ATP9B: variants seen among roughly 807,000 people sequenced by gnomAD.
ATP9B encodes the protein probable phospholipid-transporting ATPase IIB.
Under a neutral mutation model 146.1 loss-of-function variants are expected in ATP9B, and 110 were observed. The observed-to-expected ratio is 0.75, with a 90% CI of 0.65 to 0.88. The LOEUF is 0.88. Among genes scored for constraint, ATP9B ranks in the 40% least tolerant of loss-of-function variants. The probability of loss-of-function intolerance (pLI) is 0.00; values close to 1 mark genes in which losing one functional copy is unlikely to be tolerated. For missense variants in ATP9B, 1,499 were observed against 1,496.4 expected (o/e 1.00, Z -0.03); for synonymous variants, 604 against 569.7 (o/e 1.06, Z -0.86).
chr18:79,236,212 T>C (rs1454456220), intron 11 of ATP9B, among the ~76,000 whole-genome samples: 1 of 152,204 alleles, frequency 6.6e-6, no homozygotes, highest in East Asian at 1.9e-4. Context: ...GATATCTCAT[T>C]GGGTTTTTAG....
intron 7 of ATP9B, among the ~76,000 whole-genome samples, chr18:79,161,723 A>G (rs901338539): frequency 2.6e-5 from 4 of 152,104 alleles, no homozygotes; most frequent in Admixed American, 2.0e-4. Flanking sequence ...GCGGGCGCCT[A>G]TAGTCCCAGG....
intron 11 of ATP9B, among the ~76,000 whole-genome samples, chr18:79,235,339 A>G (rs2095831352): frequency 6.6e-6 from 1 of 152,230 alleles, no homozygotes; most frequent in Non-Finnish European, 1.5e-5. Context: ...ATCGTAAGCC[A>G]TAGAGCAATA....
rs1346518920 is a variant in ATP9B, at chr18:79,110,416, T to TGGG, written c.357_358insGGG (p.Trp119_Leu120insGly). The TGGG allele has an allele frequency of 6.2e-7, 1 of 1,612,204 alleles. No individual in the cohort carries two copies. The highest frequency in any genetic ancestry group is 1.7e-5 in the Admixed American group (1 of 59,826). ...GAAAGAGCTGAAAGCTCGCACAGTA[T>TGGG]GGCTTGGATGTCCTGAAAAGTGTGA... is the stretch of plus-strand genomic sequence containing the variant. On this transcript the variant is annotated inframe_insertion, in exon 3 of 30. Transcript: ENST00000426216.
Position 79,165,236 on chromosome 18 carries a change from C to T in ATP9B, c.778+10681C>T, listed in dbSNP as rs780846524. Among the ~76,000 whole-genome samples, 18 of 152,322 alleles carry T rather than the reference C, an allele frequency of 1.2e-4. No individual in the cohort carries two copies. The South Asian group carries it at 2.1e-3, about 18-fold the overall frequency. On this transcript the variant is annotated intron_variant, in intron 7 of 29. Transcript: ENST00000426216. ...CAGTTACAGGGCTGGTGTTCAGCTT[C>T]TGACTGTCTGGCTCTGCCTACTCTG...
At chr18:79,305,593 G>C (rs905329973) in intron 14 of ATP9B, among the ~76,000 whole-genome samples, 1 of 151,496 alleles carries the variant, frequency 6.6e-6, no homozygotes. Context: ...GATGAGCTCT[G>C]CTTTTTAAAA....
chr18:79,227,999 T>C (rs1244691853), intron 11 of ATP9B, among the ~76,000 whole-genome samples: 2 of 152,148 alleles, frequency 1.3e-5, no homozygotes, highest in African/African-American at 4.8e-5. Context: ...CCAAAGCTCA[T>C]AGTGTGATAA....
Position 79,256,286 on chromosome 18 carries a change from T to TATATAC in ATP9B, c.1268+2746_1268+2747insTATACA, listed in dbSNP as rs398033647. On this transcript the variant is annotated intron_variant, in intron 12 of 29. Coordinates refer to ENST00000426216, the MANE Select transcript of ATP9B (RefSeq NM_198531.5). ...ATATATATATATATATATATATATA[T>TATATAC]ACATACATAGTGAGGCTATGTTATT... Among the ~76,000 whole-genome samples the TATATAC allele has an allele frequency of 7.0e-4, 86 of 123,016 alleles. 1 individual carries two copies. Among genetic ancestry groups the TATATAC allele is most frequent in the African/African-American group, 1.6e-3 (49 of 30,752 alleles). 80.7% of individuals were successfully genotyped at this position (123,016 alleles called of 152,430 possible).
intron 8 of ATP9B, among the ~76,000 whole-genome samples, chr18:79,186,926 A>AG (rs1438873681): frequency 1.3e-5 from 2 of 152,092 alleles, no homozygotes; most frequent in Admixed American, 1.3e-4. Flanking sequence ...AGTGAGGAGG[A>AG]GGTATCTTTT....
At chr18:79,221,812 CT>C (rs11296943) in intron 11 of ATP9B, among the ~76,000 whole-genome samples, 48,562 of 135,056 alleles carry the variant, frequency 0.36, 8,695 homozygotes, top group African/African-American at 0.46. Context: ...ATTATAAAGG[CT>C]TTTTTTTTTT....
At chr18:79,298,063 G>A (rs1463514489) in intron 13 of ATP9B, among the ~76,000 whole-genome samples, 2 of 147,118 alleles carry the variant, frequency 1.4e-5, no homozygotes, top group Non-Finnish European at 3.0e-5. Flanking sequence ...GGAAGGAAGC[G>A]AGGGTGCTTG....
intron 7 of ATP9B, among the ~76,000 whole-genome samples, chr18:79,165,574 C>T (rs1334017091): frequency 6.6e-6 from 1 of 152,162 alleles, no homozygotes; most frequent in Non-Finnish European, 1.5e-5. Context: ...CAGTTATTTA[C>T]CTTTAGGAAT....
At chr18:79,350,251 A>G (rs1008238439) in intron 25 of ATP9B, among the ~76,000 whole-genome samples, 1 of 152,216 alleles carries the variant, frequency 6.6e-6, no homozygotes, top group South Asian at 2.1e-4. Context: ...CACTTTGAAT[A>G]AAGTAGGTAA....
rs191931700 is a variant in ATP9B, at chr18:79,172,906, G to A, written c.779-3907G>A. ...TCTCCAGATCGATGTCCAGGAGTGA[G>A]GTTGCTGATTTTTATGGTCATTCTA... On this transcript the variant is annotated intron_variant, in intron 7 of 29. Transcript: ENST00000426216. Among the ~76,000 whole-genome samples the A allele has an allele frequency of 1.0e-3, 156 of 152,306 alleles. 2 individuals carry two copies. Among genetic ancestry groups the A allele is most frequent in the African/African-American group, 3.6e-3 (151 of 41,566 alleles).
intron 9 of ATP9B, among the ~76,000 whole-genome samples, chr18:79,202,445 C>A (rs1277723038): frequency 6.6e-6 from 1 of 152,144 alleles, no homozygotes; most frequent in East Asian, 1.9e-4. Context: ...TTACATTGTT[C>A]ATGTCTTCTT....
At position 79,202,524 on chromosome 18, in the gene ATP9B, A is replaced by G. The variant is rs527542872; in HGVS notation, c.955-4413A>G. ...GTTAAGTAGGGTATGCTGTTGAGAG[A>G]ACAGCATGAAATGGTAACATTTTGC... On this transcript the variant is annotated intron_variant, in intron 9 of 29. Transcript: ENST00000426216. 1.4e-4 allele frequency among the ~76,000 whole-genome samples: 21 copies of G among 152,306 alleles called. No individual in the cohort carries two copies. The South Asian group carries it at 4.1e-3, about 30-fold the overall frequency.
intron 13 of ATP9B, among the ~76,000 whole-genome samples, chr18:79,282,751 GTAGTTTCCTATC>G (rs1199506461): frequency 1.3e-5 from 2 of 152,136 alleles, no homozygotes; most frequent in South Asian, 2.1e-4. Flanking sequence ...AGTTGTGCCT[GTAGTTTCCTATC>G]TAGTTTCCTA....
intron 11 of ATP9B, among the ~76,000 whole-genome samples, chr18:79,251,578 T>C (rs1014716879): frequency 6.6e-6 from 1 of 152,230 alleles, no homozygotes. Context: ...TTAGTTGACT[T>C]TTCTTCGCAG....
At chr18:79,202,039 C>T (rs1007802918) in intron 9 of ATP9B, among the ~76,000 whole-genome samples, 1 of 152,048 alleles carries the variant, frequency 6.6e-6, no homozygotes, top group Non-Finnish European at 1.5e-5. Context: ...GCCTGGGTGA[C>T]AGAGTGAGAC....
chr18:79,101,584 A>C (rs2075285427), intron 2 of ATP9B, among the ~76,000 whole-genome samples: 1 of 152,170 alleles, frequency 6.6e-6, no homozygotes, highest in African/African-American at 2.4e-5. Context: ...TGGTAAGTGT[A>C]TATTTAGCTT....
Sources: gnomAD v4.1 joint callset for allele counts (sites outside exome capture counted in the v4.1 genomes callset) on GRCh38, gnomAD v4.1.1 for gene constraint, MANE v1.5 for transcripts, NCBI Gene and HGNC (gene_info 2026-07-23, HGNC 2026-07-21) for gene names.